DISP1: variants seen among roughly 807,000 people sequenced by gnomAD.
DISP1 encodes the protein dispatched RND transporter family member 1.
Under a neutral mutation model 37.3 loss-of-function variants are expected in DISP1, and 30 were observed. The observed-to-expected ratio is 0.80, with a 90% CI of 0.60 to 1.09. The LOEUF (loss-of-function observed/expected upper bound fraction) is 1.09. DISP1 is among the 50% of genes least tolerant of loss of function. The pLI is 0.00. For missense variants in DISP1, 1,598 were observed against 1,879.5 expected, an observed-to-expected ratio of 0.85 and a Z score of 2.77; for synonymous variants, 634 against 690.2, an observed-to-expected ratio of 0.92 and a Z score of 1.28.
intron 1 of DISP1, among the ~76,000 whole-genome samples, chr1:222,885,869 TACACAC>T (rs759925144): frequency 6.7e-6 from 1 of 149,120 alleles, no homozygotes; most frequent in Non-Finnish European, 1.5e-5. Context: ...ATCATGGGGA[TACACAC>T]ACACACACAC....
chr1:222,898,724 A>G (rs1671418633), intron 1 of DISP1, among the ~76,000 whole-genome samples: 1 of 152,180 alleles, frequency 6.6e-6, no homozygotes, highest in African/African-American at 2.4e-5. Context: ...CACATGACCC[A>G]CACGACAGTT....
chr1:222,969,340 A>T (rs532022234), intron 3 of DISP1, among the ~76,000 whole-genome samples: 112 of 146,682 alleles, frequency 7.6e-4, no homozygotes, highest in Non-Finnish European at 1.5e-5. Flanking sequence ...ATTGCACTCC[A>T]GCCTGGGCAA....
At chr1:222,932,485 A>G (rs1361225279) in intron 2 of DISP1, among the ~76,000 whole-genome samples, 7 of 151,968 alleles carry the variant, frequency 4.6e-5, no homozygotes, top group Non-Finnish European at 1.0e-4. Context: ...ATAACTACTT[A>G]TATAGGAGAA....
At chr1:222,998,385 T>C (rs1169392465) in intron 8 of DISP1, among the ~76,000 whole-genome samples, 1 of 151,848 alleles carries the variant, frequency 6.6e-6, no homozygotes, top group Non-Finnish European at 1.5e-5. Context: ...TAGTATAAGA[T>C]CTCAGTGAGA....
chr1:222,996,819 C>G (rs1679105983), intron 8 of DISP1, among the ~76,000 whole-genome samples: 1 of 152,126 alleles, frequency 6.6e-6, no homozygotes, highest in Non-Finnish European at 1.5e-5. Flanking sequence ...AGATACCTCC[C>G]CCGTTTTGTT....
At chr1:222,821,507 A>G (rs1283542869) in intron 1 of DISP1, among the ~76,000 whole-genome samples, 2 of 152,134 alleles carry the variant, frequency 1.3e-5, no homozygotes, top group Admixed American at 1.3e-4. Context: ...GTTGAAGGTG[A>G]TTGAATCATG....
intron 1 of DISP1, among the ~76,000 whole-genome samples, chr1:222,921,029 G>T (rs979549769): frequency 6.6e-6 from 1 of 152,142 alleles, no homozygotes; most frequent in Non-Finnish European, 1.5e-5. Context: ...GATTAATTGG[G>T]CCGGGCACAG....
intron 3 of DISP1, among the ~76,000 whole-genome samples, chr1:222,979,064 A>G (rs1443214461): frequency 6.6e-6 from 1 of 152,134 alleles, no homozygotes; most frequent in Admixed American, 6.5e-5. Flanking sequence ...GAAGAAAGTC[A>G]TTGGTAGCTT....
intron 1 of DISP1, among the ~76,000 whole-genome samples, chr1:222,905,007 T>G (rs1053958116): frequency 6.6e-6 from 1 of 152,192 alleles, no homozygotes; most frequent in African/African-American, 2.4e-5. Context: ...ATCGGATCAT[T>G]TATTTCAGGA....
At chr1:222,839,068 T>A (rs987601042) in intron 1 of DISP1, among the ~76,000 whole-genome samples, 2 of 152,182 alleles carry the variant, frequency 1.3e-5, no homozygotes, top group African/African-American at 4.8e-5. Context: ...ATTTATTTTA[T>A]TGAGACATTG....
At chr1:222,869,275 C>T (rs1401137615) in intron 1 of DISP1, among the ~76,000 whole-genome samples, 1 of 152,074 alleles carries the variant, frequency 6.6e-6, no homozygotes, top group African/African-American at 2.4e-5. Context: ...TAAATATTTA[C>T]TAGAAGCCTG....
intron 1 of DISP1, among the ~76,000 whole-genome samples, chr1:222,877,728 T>C (rs1176594163): frequency 6.6e-6 from 1 of 152,194 alleles, no homozygotes; most frequent in Non-Finnish European, 1.5e-5. Flanking sequence ...TATCAGTGTC[T>C]TGAAGGAGAA....
At chr1:222,988,918 G>A (rs1678481785) in intron 4 of DISP1, among the ~76,000 whole-genome samples, 1 of 152,182 alleles carries the variant, frequency 6.6e-6, no homozygotes, top group South Asian at 2.1e-4. Flanking sequence ...GTCCCAAAGT[G>A]TTGGGATTAC....
chr1:222,911,141 T>C (rs1672184839), intron 1 of DISP1, among the ~76,000 whole-genome samples: 1 of 152,352 alleles, frequency 6.6e-6, no homozygotes, highest in Non-Finnish European at 1.5e-5. Context: ...CTTTTTCTGA[T>C]GATTAGCTTA....
At chr1:222,976,034 A>AC (rs1206652460) in intron 3 of DISP1, among the ~76,000 whole-genome samples, 1 of 152,116 alleles carries the variant, frequency 6.6e-6, no homozygotes, top group Non-Finnish European at 1.5e-5. Flanking sequence ...TTCCCAGCAG[A>AC]AAAAAACGCT....
At chr1:222,847,050 C>T (rs1437422975) in intron 1 of DISP1, among the ~76,000 whole-genome samples, 1 of 152,194 alleles carries the variant, frequency 6.6e-6, no homozygotes, top group Non-Finnish European at 1.5e-5. Context: ...TACAACTTGA[C>T]CATTAATAAG....
chr1:222,904,756 C>T (rs1054394156), intron 1 of DISP1, among the ~76,000 whole-genome samples: 10 of 151,808 alleles, frequency 6.6e-5, no homozygotes, highest in Admixed American at 3.9e-4. Context: ...TTAGTAGAGA[C>T]GGGGTTTCAC....
intron 1 of DISP1, among the ~76,000 whole-genome samples, chr1:222,816,415 G>A (rs1661265858): frequency 6.6e-6 from 1 of 152,152 alleles, no homozygotes; most frequent in Admixed American, 6.5e-5. Flanking sequence ...TAGCTAGGAA[G>A]AATCATAACA....
At chr1:222,958,918 A>G (rs184952424) in intron 3 of DISP1, among the ~76,000 whole-genome samples, 361 of 151,898 alleles carry the variant, frequency 2.4e-3, no homozygotes, top group African/African-American at 8.3e-3. Context: ...GTCCTTGACT[A>G]TATCAGGTCA....
Sources: gnomAD v4.1 joint callset for allele counts (sites outside exome capture counted in the v4.1 genomes callset) on GRCh38, gnomAD v4.1.1 for gene constraint, MANE v1.5 for transcripts, NCBI Gene and HGNC (gene_info 2026-07-23, HGNC 2026-07-21) for gene names.